Variants in MNAT1 observed in about 807,000 individuals in gnomAD.
MNAT1 encodes the protein MNAT1 component of CDK activating kinase, also known as CDK-activating kinase assembly factor MAT1.
MNAT1 carries 43 observed loss-of-function variants against 42.0 expected under a neutral mutation model. The observed-to-expected ratio is 1.02, with a 90% CI of 0.80 to 1.32. The LOEUF is 1.32. Among genes scored for constraint, MNAT1 ranks in the 40% most tolerant of loss-of-function variants. The pLI is 0.00. For synonymous variants in MNAT1, 118 were observed against 120.0 expected (o/e 0.98, Z 0.11); for missense variants, 306 against 350.4 (o/e 0.87, Z 1.01).
At chr14:60,786,011 T>C (rs2031638940) in intron 1 of MNAT1, among the ~76,000 whole-genome samples, 1 of 152,056 alleles carries the variant, frequency 6.6e-6, no homozygotes, top group Non-Finnish European at 1.5e-5. Context: ...GTACAAACTG[T>C]TGTGGATATG....
In MNAT1 at chr14:60,961,475, G is replaced by A. The variant is rs4151399; in HGVS notation, c.810-6754G>A. On this transcript the variant is annotated intron_variant, in intron 7 of 7. Coordinates refer to ENST00000261245, the MANE Select transcript of MNAT1 (RefSeq NM_002431.4). ...TGTTCTTCCCTCTCTCTGGATCACC[G>A]TTATACTCCCCTTGCCTTCCTAGCT... Among the ~76,000 whole-genome samples the A allele has an allele frequency of 3.6e-3, 550 of 152,076 alleles. 4 individuals carry two copies. The highest frequency in any genetic ancestry group is 0.012 in the African/African-American group (511 of 41,458).
intron 7 of MNAT1, among the ~76,000 whole-genome samples, chr14:60,922,906 G>A (rs1367740308): frequency 2.6e-5 from 4 of 152,094 alleles, no homozygotes; most frequent in African/African-American, 9.7e-5. Context: ...AGACTTGAAG[G>A]TTTGATTCAC....
At chr14:60,808,277 A>G (rs1330033449) in intron 3 of MNAT1, 48 bp from the exon 4 acceptor site, 2 of 1,202,776 alleles carry the variant, frequency 1.7e-6, no homozygotes, top group South Asian at 1.5e-5. Context: ...TCTACTCAAG[A>G]TTTATATTAA....
chr14:60,741,674 T>TTTTTTTTTTTTTA (rs1896469225), intron 1 of MNAT1, among the ~76,000 whole-genome samples: 1 of 146,602 alleles, frequency 6.8e-6, no homozygotes, highest in South Asian at 2.2e-4. Context: ...TTTTTTTTTT[T>TTTTTTTTTTTTTA]TTTTTTAATT....
chr14:60,875,374 A>G (rs1018817539), intron 6 of MNAT1, among the ~76,000 whole-genome samples: 3 of 152,134 alleles, frequency 2.0e-5, no homozygotes, highest in Non-Finnish European at 4.4e-5. Flanking sequence ...AATAGCTTCC[A>G]TATCCACAAA....
chr14:60,770,739 T>A (rs2031020851), intron 1 of MNAT1, among the ~76,000 whole-genome samples: 1 of 152,206 alleles, frequency 6.6e-6, no homozygotes, highest in South Asian at 2.1e-4. Context: ...TTGCGTTATT[T>A]TATATTTCTA....
chr14:60,760,619 CTG>C (rs2030561766), intron 1 of MNAT1, among the ~76,000 whole-genome samples: 1 of 152,146 alleles, frequency 6.6e-6, no homozygotes. Context: ...CAATAAAAGT[CTG>C]AAAGAAAATT....
chr14:60,885,933 T>C (rs896205326), intron 7 of MNAT1, among the ~76,000 whole-genome samples: 8 of 152,082 alleles, frequency 5.3e-5, no homozygotes, highest in Admixed American at 2.6e-4. Flanking sequence ...TTTGAGTTGA[T>C]GTTTTTTAAT....
At position 60,866,825 on chromosome 14, in the gene MNAT1, A is replaced by G. The variant is rs542430796; in HGVS notation, c.688-12889A>G. On this transcript the variant is annotated intron_variant, in intron 6 of 7. Coordinates refer to ENST00000261245, the MANE Select transcript of MNAT1 (RefSeq NM_002431.4). ...TAGTGATCTTTTAATGGAAGATACT[A>G]TTTCCTAATTTTTTTCCAACCTTTT... Among the ~76,000 whole-genome samples the G allele has an allele frequency of 5.3e-5, 8 of 152,108 alleles. No individual in the cohort carries two copies. In the South Asian group the frequency reaches 1.7e-3, roughly 31 times the overall value.
At chr14:60,965,637 G>T (rs967705310) in intron 7 of MNAT1, among the ~76,000 whole-genome samples, 1 of 152,184 alleles carries the variant, frequency 6.6e-6, no homozygotes, top group Non-Finnish European at 1.5e-5. Flanking sequence ...TTGCACAGTG[G>T]TTTGTATTAC....
chr14:60,968,678 T>G lies in MNAT1; in HGVS notation c.*329T>G. On this transcript the variant is annotated 3_prime_UTR_variant, in exon 8 of 8. Transcript: ENST00000261245. ...TAAAAAATAAAGCTATAATTTATAT[T>G]AAGTTCTGTGGTTTTTCTCTTATTA... 2.2e-6 allele frequency: 1 copy of G among 459,974 alleles called. No individual in the cohort carries two copies. The highest frequency in any genetic ancestry group is 2.2e-5 in the South Asian group (1 of 45,502). The allele number at this position is 459,974 out of a possible 1,614,324, so 28.5% of individuals were successfully genotyped here. A position where few individuals can be genotyped will look rare whatever the true frequency, so the allele number is the denominator to read the frequency against.
At chr14:60,896,321 AATTG>A (rs1024064591) in intron 7 of MNAT1, among the ~76,000 whole-genome samples, 1 of 152,162 alleles carries the variant, frequency 6.6e-6, no homozygotes, top group Non-Finnish European at 1.5e-5. Context: ...AGGAAAGTCT[AATTG>A]ATTGTCAATG....
chr14:60,816,793 C>T (rs1208437306), intron 5 of MNAT1, among the ~76,000 whole-genome samples: 1 of 151,978 alleles, frequency 6.6e-6, no homozygotes, highest in Non-Finnish European at 1.5e-5. Flanking sequence ...GTAAGGCTTC[C>T]AGGCTTCAAA....
At chr14:60,769,383 T>G (rs1374055282) in intron 1 of MNAT1, among the ~76,000 whole-genome samples, 1 of 152,204 alleles carries the variant, frequency 6.6e-6, no homozygotes, top group African/African-American at 2.4e-5. Context: ...GTGATCTTCC[T>G]GCCTCAGCCT....
intron 1 of MNAT1, among the ~76,000 whole-genome samples, chr14:60,747,210 T>C (rs1162158269): frequency 6.6e-6 from 1 of 151,784 alleles, no homozygotes; most frequent in African/African-American, 2.4e-5. Flanking sequence ...GGTCTTGATC[T>C]CCTGACCTTG....
intron 7 of MNAT1, among the ~76,000 whole-genome samples, chr14:60,902,773 A>C (rs897136318): frequency 6.6e-6 from 1 of 152,030 alleles, no homozygotes; most frequent in Non-Finnish European, 1.5e-5. Flanking sequence ...ATTATATTCT[A>C]CTTTTGATGC....
intron 6 of MNAT1, among the ~76,000 whole-genome samples, chr14:60,840,766 C>T (rs770494125): frequency 2.6e-5 from 4 of 152,056 alleles, no homozygotes; most frequent in African/African-American, 7.2e-5. Flanking sequence ...TGGGTTCAAG[C>T]GATTCTCCTG....
chr14:60,808,513 C>A, intron 4 of MNAT1, 85 bp downstream of exon 4: 1 of 798,438 alleles, frequency 1.3e-6, no homozygotes, highest in South Asian at 2.0e-5. Context: ...TTCCTTTAAA[C>A]CAGTTACATT....
intron 1 of MNAT1, among the ~76,000 whole-genome samples, chr14:60,757,827 T>A (rs1300817662): frequency 6.6e-6 from 1 of 152,232 alleles, no homozygotes; most frequent in Non-Finnish European, 1.5e-5. Context: ...ATGCTTTACT[T>A]ATTTTGTAAT....
Sources: gnomAD v4.1 joint callset for allele counts (sites outside exome capture counted in the v4.1 genomes callset) on GRCh38, gnomAD v4.1.1 for gene constraint, MANE v1.5 for transcripts, NCBI Gene and HGNC (gene_info 2026-07-23, HGNC 2026-07-21) for gene names.